SPAG16: variants seen among roughly 807,000 people sequenced by gnomAD.
SPAG16 encodes sperm associated antigen 16.
Under a neutral mutation model 80.4 loss-of-function variants are expected in SPAG16, and 86 were observed. The observed-to-expected ratio is 1.07, with a 90% CI of 0.90 to 1.28. The LOEUF (loss-of-function observed/expected upper bound fraction) is 1.28, where lower values mean the gene tolerates loss of function less well. SPAG16 is among the 50% of genes most tolerant of loss of function. SPAG16 has a pLI of 0.00. For missense variants in SPAG16, 870 were observed against 765.3 expected (o/e 1.14, Z -1.61); for synonymous variants, 294 against 265.9 (o/e 1.11, Z -1.03).
intron 10 of SPAG16, among the ~76,000 whole-genome samples, chr2:213,808,412 C>CTA (rs1280211836): frequency 6.6e-6 from 1 of 152,018 alleles, no homozygotes; most frequent in African/African-American, 2.4e-5. Context: ...AATGGTATAG[C>CTA]TATAGTTTAG....
rs184317134 is a variant in SPAG16, at chr2:213,798,493, G to A, written c.1071-63992G>A. Among the ~76,000 whole-genome samples, 8 of 152,180 alleles carry A rather than the reference G, an allele frequency of 5.3e-5. No homozygotes were observed. The East Asian group carries it at 1.5e-3, about 29-fold the overall frequency. On this transcript the variant is annotated intron_variant, in intron 10 of 15. Transcript: ENST00000331683. ...TGGTCTTGAACTTCTGATCTCAAGT[G>A]ATCCTCCCACCTTGGCCTCCCAGAA...
intron 15 of SPAG16, among the ~76,000 whole-genome samples, chr2:214,294,213 G>A (rs1018379051): frequency 6.6e-6 from 1 of 152,166 alleles, no homozygotes; most frequent in Non-Finnish European, 1.5e-5. Context: ...TAGGCTCGTG[G>A]GTGCCGAGGG....
At chr2:213,420,555 G>A (rs529454190) in intron 9 of SPAG16, among the ~76,000 whole-genome samples, 16 of 152,336 alleles carry the variant, frequency 1.1e-4, no homozygotes, top group Non-Finnish European at 2.4e-4. Flanking sequence ...CAGCAGTGAA[G>A]GACGTGAATA....
At chr2:213,909,010 T>A (rs1010396176) in intron 11 of SPAG16, among the ~76,000 whole-genome samples, 1 of 151,454 alleles carries the variant, frequency 6.6e-6, no homozygotes, top group Non-Finnish European at 1.5e-5. Context: ...CATCTATGAG[T>A]GAGAACATGC....
chr2:214,408,998 A>G (rs1702153155), intron 15 of SPAG16, among the ~76,000 whole-genome samples: 1 of 151,354 alleles, frequency 6.6e-6, no homozygotes, highest in Non-Finnish European at 1.5e-5. Context: ...AATACTATTA[A>G]TACTAACTAA....
intron 11 of SPAG16, among the ~76,000 whole-genome samples, chr2:213,929,265 C>T (rs768644496): frequency 3.4e-4 from 52 of 151,976 alleles, no homozygotes; most frequent in South Asian, 4.1e-4. Context: ...TCGCCTGCCT[C>T]GGCCACCCAA....
chr2:213,441,425 A>G (rs114545898), intron 9 of SPAG16, among the ~76,000 whole-genome samples: 97 of 152,370 alleles, frequency 6.4e-4, no homozygotes, highest in Middle Eastern at 3.4e-3. Context: ...ATATATTTCA[A>G]AAATGGAAAA....
At chr2:214,333,232 G>A (rs1697051255) in intron 15 of SPAG16, among the ~76,000 whole-genome samples, 1 of 152,182 alleles carries the variant, frequency 6.6e-6, no homozygotes. Context: ...TGGTGCTTCT[G>A]AGTTCAGCTT....
At chr2:213,638,037 G>A (rs544028979) in intron 10 of SPAG16, among the ~76,000 whole-genome samples, 7 of 152,298 alleles carry the variant, frequency 4.6e-5, no homozygotes, top group African/African-American at 1.2e-4. Context: ...GATTACAGGC[G>A]TGAGCCATCG....
intron 12 of SPAG16, among the ~76,000 whole-genome samples, chr2:214,000,908 C>T (rs1471533902): frequency 6.6e-6 from 1 of 152,108 alleles, no homozygotes; most frequent in Non-Finnish European, 1.5e-5. Context: ...GGCTTTTTCT[C>T]CTTTATTCTA....
At chr2:214,296,610 T>C (rs1176694839) in intron 15 of SPAG16, among the ~76,000 whole-genome samples, 1 of 152,212 alleles carries the variant, frequency 6.6e-6, no homozygotes, top group African/African-American at 2.4e-5. Flanking sequence ...TATCTTATTG[T>C]GGTTTTAATT....
At chr2:213,310,356 ACACACACACACACACAC>A (rs2063135398) in intron 4 of SPAG16, among the ~76,000 whole-genome samples, 179 bp downstream of exon 4, 2 of 149,010 alleles carry the variant, frequency 1.3e-5, no homozygotes, top group African/African-American at 2.4e-5. Context: ...ACACACACAC[ACACACACACACACACAC>A]AAATCAGAAT....
At chr2:214,216,449 G>C (rs1559135026) in intron 15 of SPAG16, among the ~76,000 whole-genome samples, 1 of 152,160 alleles carries the variant, frequency 6.6e-6, no homozygotes, top group Admixed American at 6.6e-5. Flanking sequence ...AGCCTACCAA[G>C]TAGCTGGGAT....
intron 5 of SPAG16, among the ~76,000 whole-genome samples, chr2:213,324,969 T>C (rs549784452): frequency 3.9e-5 from 6 of 152,140 alleles, no homozygotes; most frequent in Admixed American, 6.5e-5. Flanking sequence ...ATTTTTGATA[T>C]GCATTTTCTG....
chr2:214,294,246 G>T lies in SPAG16; in HGVS notation c.1721-115894G>T, dbSNP rs553616776. ...GGGGCTTGCTCTTGGCTAAGATTGT[G>T]TAAGTCCATGGCAGGAATGTGGAGC... is the stretch of plus-strand genomic sequence containing the variant. On this transcript the variant is annotated intron_variant, in intron 15 of 15. Transcript: ENST00000331683. Among the ~76,000 whole-genome samples, 54 of 152,302 alleles carry T rather than the reference G, an allele frequency of 3.5e-4. No homozygotes were observed. The South Asian group carries it at 0.011, about 30-fold the overall frequency.
intron 13 of SPAG16, among the ~76,000 whole-genome samples, chr2:214,073,281 G>T (rs2050894543): frequency 6.7e-6 from 1 of 148,620 alleles, no homozygotes; most frequent in African/African-American, 2.5e-5. Flanking sequence ...TCTATCACCA[G>T]GCTGGAGTGC....
intron 10 of SPAG16, among the ~76,000 whole-genome samples, chr2:213,740,078 A>G (rs2067475902): frequency 1.3e-5 from 2 of 152,142 alleles, no homozygotes; most frequent in Admixed American, 6.6e-5. Flanking sequence ...TTATAAAATG[A>G]CTCCTTTCCT....
chr2:213,926,552 C>T (rs1160811484), intron 11 of SPAG16, among the ~76,000 whole-genome samples: 1 of 151,846 alleles, frequency 6.6e-6, no homozygotes, highest in Non-Finnish European at 1.5e-5. Context: ...TTTGCTGTTT[C>T]TCATATGCTA....
At chr2:214,284,825 GTGTGTGTGCATA>G (rs1170763598) in intron 15 of SPAG16, among the ~76,000 whole-genome samples, 1 of 115,210 alleles carries the variant, frequency 8.7e-6, no homozygotes, top group African/African-American at 3.1e-5. Flanking sequence ...GTGTGTGTGT[GTGTGTGTGCATA>G]TGTATTTGTG....
Sources: gnomAD v4.1 joint callset for allele counts (sites outside exome capture counted in the v4.1 genomes callset) on GRCh38, gnomAD v4.1.1 for gene constraint, MANE v1.5 for transcripts, NCBI Gene and HGNC (gene_info 2026-07-23, HGNC 2026-07-21) for gene names.